Variants in ABCA13 observed in about 807,000 individuals in gnomAD.
ABCA13 encodes ATP-binding cassette sub-family A member 13.
Under a neutral mutation model 478.7 loss-of-function variants are expected in ABCA13, and 476 were observed. The observed-to-expected ratio is 0.99, with a 90% CI of 0.92 to 1.07. ABCA13 has a LOEUF of 1.07. ABCA13 is among the 50% of genes least tolerant of loss of function. ABCA13 has a pLI of 0.00. For synonymous variants in ABCA13, 2,252 were observed against 2,158.9 expected (o/e 1.04, Z -1.20); for missense variants, 6,060 against 5,910.6 (o/e 1.03, Z -0.83).
In ABCA13 at chr7:48,352,469, C is replaced by G; in HGVS notation, c.10670C>G (p.Pro3557Arg). ...PAAQTQAAPYPCHTSDLFLNN... is the reference protein window; with the variant it reads ...PAAQTQAAPYRCHTSDLFLNN... ...GCACAGACTCAGGCGGCCCCTTACCCCTGCCATACCAGCGACCTGTGAGTA... is the reference window on the plus strand; with the variant it reads ...GCACAGACTCAGGCGGCCCCTTACCGCTGCCATACCAGCGACCTGTGAGTA... Residue 3557 changes from proline (P) to arginine (R), a missense_variant, in exon 31 of 62, where the codon CCC becomes CGC. Around this residue, in one of 3 missense-constraint regions of ABCA13, gnomAD observed 4,423 missense variants for 4,309.1 expected, o/e 1.03. Coordinates refer to ENST00000435803, the MANE Select transcript of ABCA13 (RefSeq NM_152701.5). The G allele has an allele frequency of 6.2e-7, 1 of 1,605,872 alleles. No homozygotes were observed. Among genetic ancestry groups the G allele is most frequent in the Non-Finnish European group, 8.5e-7 (1 of 1,174,888 alleles).
chr7:48,386,263 C>T (rs1815172281), intron 35 of ABCA13, among the ~76,000 whole-genome samples: 1 of 152,324 alleles, frequency 6.6e-6, no homozygotes, highest in South Asian at 2.1e-4. Context: ...GAAAACGTTT[C>T]ATGCTCATGG....
chr7:48,548,111 CTTCTGTATA>C (rs1784986109), intron 55 of ABCA13, among the ~76,000 whole-genome samples: 1 of 151,842 alleles, frequency 6.6e-6, no homozygotes, highest in Non-Finnish European at 1.5e-5. Context: ...TGGAAAATAT[CTTCTGTATA>C]TAACAAACTG....
At chr7:48,373,483 T>C (rs1001180788) in intron 33 of ABCA13, among the ~76,000 whole-genome samples, 3 of 152,238 alleles carry the variant, frequency 2.0e-5, no homozygotes, top group African/African-American at 7.2e-5. Context: ...AACAAAGATA[T>C]ACATACAGAA....
At chr7:48,326,812 C>T (rs1804397757) in intron 27 of ABCA13, among the ~76,000 whole-genome samples, 1 of 152,090 alleles carries the variant, frequency 6.6e-6, no homozygotes, top group African/African-American at 2.4e-5. Context: ...ATGTGGAGTC[C>T]CAGTGACAAG....
At chr7:48,365,266 G>A (rs1563127678) in intron 31 of ABCA13, among the ~76,000 whole-genome samples, 1 of 151,888 alleles carries the variant, frequency 6.6e-6, no homozygotes, top group Non-Finnish European at 1.5e-5. Flanking sequence ...GGATTATGTG[G>A]GTTTCTTGCT....
intron 54 of ABCA13, among the ~76,000 whole-genome samples, chr7:48,524,838 G>A (rs1261802850): frequency 6.6e-6 from 1 of 150,724 alleles, no homozygotes; most frequent in African/African-American, 2.5e-5. Flanking sequence ...ACTCAGAAAA[G>A]GTAAAGAACA....
chr7:48,382,762 AT>A (rs3065600), intron 35 of ABCA13, among the ~76,000 whole-genome samples: 21,573 of 144,108 alleles, frequency 0.15, 1,694 homozygotes, highest in African/African-American at 0.24. Context: ...TCTCTCAATG[AT>A]TTTTTTTTTT....
At position 48,506,393 on chromosome 7, in the gene ABCA13, G is replaced by A; in HGVS notation, c.13346+3G>A. ...GCCTTGCTGAACGAGGACAAGATGT[G>A]AGTTGATGGAATGCTGAGGGGTGTG... On this transcript the variant is annotated splice_donor_region_variant and intron_variant, in intron 49 of 61. Transcript: ENST00000435803. The A allele has an allele frequency of 3.1e-6, 5 of 1,613,654 alleles. No individual in the cohort carries two copies. The highest frequency in any genetic ancestry group is 4.2e-6 in the Non-Finnish European group (5 of 1,179,602).
At chr7:48,217,596 A>G (rs955925869) in intron 3 of ABCA13, among the ~76,000 whole-genome samples, 1 of 152,158 alleles carries the variant, frequency 6.6e-6, no homozygotes, top group African/African-American at 2.4e-5. Context: ...TTTGACTCCA[A>G]GGGAGCTCTC....
intron 55 of ABCA13, among the ~76,000 whole-genome samples, chr7:48,566,012 A>C (rs17132457): frequency 0.067 from 10,270 of 152,272 alleles, 444 homozygotes; most frequent in African/African-American, 0.11. Flanking sequence ...TAGAGAATCC[A>C]GCAGTTTGGA....
intron 21 of ABCA13, 45 bp from the exon 22 acceptor site, chr7:48,297,187 A>T (rs1335748626): frequency 3.4e-6 from 5 of 1,461,490 alleles, no homozygotes; most frequent in Non-Finnish European, 4.7e-6. Flanking sequence ...ACTGTTTCTG[A>T]TGTTTTAGCT....
intron 16 of ABCA13, among the ~76,000 whole-genome samples, chr7:48,271,018 C>T (rs967476121): frequency 2.6e-5 from 4 of 152,164 alleles, no homozygotes; most frequent in Non-Finnish European, 4.4e-5. Context: ...AGTGTTAATA[C>T]GGTGATGATC....
At chr7:48,376,688 C>T (rs1024303309) in intron 35 of ABCA13, 116 bp downstream of exon 35, 5 of 1,194,534 alleles carry the variant, frequency 4.2e-6, no homozygotes, top group Non-Finnish European at 5.7e-6. Context: ...AAAGGGAAGT[C>T]TTAGGATATA....
intron 32 of ABCA13, among the ~76,000 whole-genome samples, chr7:48,371,319 G>A (rs1206958998): frequency 6.6e-6 from 1 of 152,068 alleles, no homozygotes; most frequent in East Asian, 1.9e-4. Context: ...TCTGTGAAGA[G>A]TGCCAATGGT....
intron 51 of ABCA13, 135 bp downstream of exon 51, chr7:48,511,334 C>A (rs1375921802): frequency 1.4e-6 from 1 of 732,446 alleles, no homozygotes; most frequent in East Asian, 2.7e-5. Flanking sequence ...CTGCAAGGGA[C>A]ACGGAGCAAA....
intron 29 of ABCA13, among the ~76,000 whole-genome samples, chr7:48,350,058 G>T (rs1419284376): frequency 6.6e-6 from 1 of 152,194 alleles, no homozygotes; most frequent in Admixed American, 6.5e-5. Context: ...TTTGATGTCA[G>T]CATTCATAGC....
rs1182163670 is a variant in ABCA13 at position 48,580,352 on chromosome 7, T to C, written c.14483T>C (p.Ile4828Thr). 6.2e-7 allele frequency: 1 copy of C among 1,612,768 alleles called. No homozygotes were observed. The highest frequency in any genetic ancestry group is 1.1e-5 in the South Asian group (1 of 90,754). The change falls in exon 56 of 62, where the codon ATT becomes ACT. Residue 4828 changes from isoleucine to threonine, a missense_variant. Ile to Thr is a moderately conservative substitution (Grantham distance 89). Transcript: ENST00000435803. ...TATTATTACTGTAGCTTACGCGGGA[T>C]TCCAAGGCAGTGCATCCCTGAGGTA... The part of the protein sequence containing the change: ...HLYYYCSLRG[I>T]PRQCIPEVAG...
rs79377476 is a variant in ABCA13, at chr7:48,291,005, G to C, written c.8955+2927G>C. On this transcript the variant is annotated intron_variant, in intron 20 of 61. Coordinates refer to ENST00000435803, the MANE Select transcript of ABCA13 (RefSeq NM_152701.5). ...AAAAAAGCAGAGTGTGAAAGTCCAA[G>C]GGCTTCTGTGCATGTTATTAGAAAT... 2.9e-3 allele frequency among the ~76,000 whole-genome samples: 443 copies of C among 150,756 alleles called. 3 individuals carry two copies. The highest frequency in any genetic ancestry group is 0.01 in the African/African-American group (421 of 40,980).
At chr7:48,521,049 G>T (rs944550592) in intron 53 of ABCA13, among the ~76,000 whole-genome samples, 1 of 123,212 alleles carries the variant, frequency 8.1e-6, no homozygotes. Context: ...ATATAATGTG[G>T]TTTATACACA....
Sources: allele counts gnomAD v4.1 joint callset (sites outside exome capture counted in the v4.1 genomes callset), GRCh38; gene constraint gnomAD v4.1.1; regional missense constraint gnomAD v4.1.1; transcripts MANE v1.5; gene names NCBI Gene and HGNC (gene_info 2026-07-23, HGNC 2026-07-21).